LDAH: variants seen among roughly 807,000 people sequenced by gnomAD.
LDAH encodes the protein lipid droplet associated hydrolase.
A neutral mutation model predicts 29.6 loss-of-function variants in LDAH; 26 were observed. The ratio of observed to expected loss-of-function variants is 0.88; its 90% CI spans 0.64 to 1.22. The LOEUF is 1.22. Ranked by LOEUF, LDAH falls within the 50% of genes most tolerant of loss-of-function variation. The probability of loss-of-function intolerance (pLI) is 0.00; values close to 1 mark genes in which losing one functional copy is unlikely to be tolerated. For missense variants in LDAH, 344 were observed against 387.3 expected, an observed-to-expected ratio of 0.89 and a Z score of 0.94; for synonymous variants, 117 against 133.0, an observed-to-expected ratio of 0.88 and a Z score of 0.83.
intron 1 of LDAH, 133 bp from the exon 2 acceptor site, chr2:20,801,598 C>CT (rs1671667697): frequency 2.8e-6 from 2 of 705,190 alleles, no homozygotes; most frequent in Non-Finnish European, 2.4e-6. Flanking sequence ...ATCTGGGAAA[C>CT]TATAAGACTA....
chr2:20,789,184 T>C (rs1264797834), intron 3 of LDAH: 1 of 1,550,400 alleles, frequency 6.4e-7, no homozygotes. Context: ...GGCCCCCAAA[T>C]CCATAGGTGA....
intron 1 of LDAH, among the ~76,000 whole-genome samples, chr2:20,811,012 C>A (rs922965699): frequency 6.6e-6 from 1 of 151,376 alleles, no homozygotes; most frequent in African/African-American, 2.4e-5. Flanking sequence ...AAAAGGTATT[C>A]GACCTTCTTT....
intron 6 of LDAH, among the ~76,000 whole-genome samples, chr2:20,694,024 A>T (rs1038820660): frequency 1.2e-4 from 19 of 152,244 alleles, no homozygotes; most frequent in Admixed American, 1.2e-3. Flanking sequence ...CTTTGAAATA[A>T]TTTGCACTAG....
intron 2 of LDAH, among the ~76,000 whole-genome samples, chr2:20,794,598 A>T (rs148061510): frequency 6.6e-6 from 1 of 152,166 alleles, no homozygotes; most frequent in African/African-American, 2.4e-5. Flanking sequence ...TTAACATTCA[A>T]AAATTAACAT....
At chr2:20,781,832 G>A (rs535417506) in intron 3 of LDAH, among the ~76,000 whole-genome samples, 3 of 152,246 alleles carry the variant, frequency 2.0e-5, no homozygotes, top group Non-Finnish European at 2.9e-5. Context: ...TTCCTTTGGC[G>A]CTATGGTGGC....
intron 5 of LDAH, among the ~76,000 whole-genome samples, chr2:20,726,785 A>C (rs1666050802): frequency 6.6e-6 from 1 of 152,362 alleles, no homozygotes; most frequent in South Asian, 2.1e-4. Flanking sequence ...GCAAACAGAT[A>C]ATCTTACCTA....
chr2:20,754,334 A>C (rs2124919145), intron 4 of LDAH, among the ~76,000 whole-genome samples: 1 of 151,584 alleles, frequency 6.6e-6, no homozygotes, highest in South Asian at 2.1e-4. Flanking sequence ...TAAAAAAATA[A>C]AAAAAAATTA....
chr2:20,790,244 C>T lies in LDAH; in HGVS notation c.298+11G>A, dbSNP rs763127532. The T allele has an allele frequency of 1.2e-6, 2 of 1,613,392 alleles. No individual in the cohort carries two copies. The highest frequency in any genetic ancestry group is 2.2e-5 in the East Asian group (1 of 44,882). ...CACTCTAAAGGAAAGTAGATATTAACAAGGACATACCCTCTGATGTTGTAA... is the reference window on the plus strand; with the variant it reads ...CACTCTAAAGGAAAGTAGATATTAATAAGGACATACCCTCTGATGTTGTAA... On this transcript the variant is annotated intron_variant, in intron 3 of 6. Coordinates refer to ENST00000237822, the MANE Select transcript of LDAH (RefSeq NM_021925.4).
At chr2:20,746,284 G>A (rs1043435465) in intron 4 of LDAH, among the ~76,000 whole-genome samples, 27 of 152,108 alleles carry the variant, frequency 1.8e-4, no homozygotes, top group Admixed American at 1.8e-3. Context: ...TTTTATAAAC[G>A]ATCCTTTACT....
chr2:20,686,128 G>A lies in LDAH; in HGVS notation c.*775C>T, dbSNP rs1572390469. 6.5e-6 allele frequency: 1 copy of A among 154,138 alleles called. No homozygotes were observed. Among genetic ancestry groups the A allele is most frequent in the Non-Finnish European group, 1.4e-5 (1 of 69,194 alleles). 9.5% of individuals were successfully genotyped at this position (154,138 alleles called of 1,614,324 possible). A position where few individuals can be genotyped will look rare whatever the true frequency, so the allele number is the denominator to read the frequency against. On this transcript the variant is annotated 3_prime_UTR_variant, in exon 7 of 7. Coordinates refer to ENST00000237822, the MANE Select transcript of LDAH (RefSeq NM_021925.4). ...CAAGCCTGCTTTGGGACAGCCCAGT[G>A]CCTCTCCATCCTGGCTCTGGAGAGG... is the stretch of plus-strand genomic sequence containing the variant.
chr2:20,714,985 C>A (rs1308053245), intron 5 of LDAH, among the ~76,000 whole-genome samples: 1 of 152,210 alleles, frequency 6.6e-6, no homozygotes, highest in Non-Finnish European at 1.5e-5. Context: ...CCTTCTGAAA[C>A]TATTCCAATC....
At chr2:20,735,720 A>G (rs1341356862) in intron 5 of LDAH, among the ~76,000 whole-genome samples, 1 of 152,032 alleles carries the variant, frequency 6.6e-6, no homozygotes, top group African/African-American at 2.4e-5. Context: ...TATGTTTTAG[A>G]TGTTTTTTTC....
At chr2:20,796,462 T>C (rs1671313910) in intron 2 of LDAH, among the ~76,000 whole-genome samples, 1 of 152,184 alleles carries the variant, frequency 6.6e-6, no homozygotes, top group South Asian at 2.1e-4. Flanking sequence ...TCACTCACAC[T>C]TTCTCTGAAA....
At chr2:20,788,965 AG>A (rs1670748779) in intron 3 of LDAH, 1 of 634,410 alleles carries the variant, frequency 1.6e-6, no homozygotes, top group South Asian at 2.0e-5. Flanking sequence ...TCTTCCATTT[AG>A]AAACCTTCCA....
intron 6 of LDAH, among the ~76,000 whole-genome samples, chr2:20,700,015 T>C (rs1455240871): frequency 6.6e-6 from 1 of 152,222 alleles, no homozygotes; most frequent in Non-Finnish European, 1.5e-5. Flanking sequence ...GTTCAGCAAG[T>C]GTGAATTTTG....
intron 3 of LDAH, among the ~76,000 whole-genome samples, chr2:20,782,061 T>C (rs1194847184): frequency 6.6e-6 from 1 of 152,212 alleles, no homozygotes; most frequent in Non-Finnish European, 1.5e-5. Flanking sequence ...TGGTTTTCCG[T>C]ATCAGTGTTT....
At chr2:20,690,940 G>T (rs1475754952) in intron 6 of LDAH, among the ~76,000 whole-genome samples, 3 of 152,014 alleles carry the variant, frequency 2.0e-5, no homozygotes, top group Non-Finnish European at 4.4e-5. Flanking sequence ...TTACAGAAAA[G>T]GAAATTGAGG....
intron 5 of LDAH, among the ~76,000 whole-genome samples, chr2:20,712,886 A>G (rs929572755): frequency 6.6e-6 from 1 of 152,252 alleles, no homozygotes; most frequent in Non-Finnish European, 1.5e-5. Flanking sequence ...ATATGGGACT[A>G]TGTGAAAAGA....
intron 5 of LDAH, among the ~76,000 whole-genome samples, chr2:20,702,411 T>C (rs930049449): frequency 6.6e-6 from 1 of 152,210 alleles, no homozygotes; most frequent in Non-Finnish European, 1.5e-5. Flanking sequence ...CTTGAAATCA[T>C]GTAAGTGGAC....
Sources: gnomAD v4.1 joint callset for allele counts (sites outside exome capture counted in the v4.1 genomes callset) on GRCh38, gnomAD v4.1.1 for gene constraint, MANE v1.5 for transcripts, NCBI Gene and HGNC (gene_info 2026-07-23, HGNC 2026-07-21) for gene names.